SLC16A12: variants seen among roughly 807,000 people sequenced by gnomAD.
SLC16A12 encodes monocarboxylate transporter 12.
Under a neutral mutation model 42.4 loss-of-function variants are expected in SLC16A12, and 17 were observed. The observed-to-expected ratio is 0.40, with a 90% confidence interval of 0.27 to 0.60. The LOEUF is 0.60. Ranked by LOEUF, SLC16A12 falls within the 20% of genes least tolerant of loss-of-function variation. The pLI is 0.42. For synonymous variants in SLC16A12, 224 were observed against 229.4 expected (o/e 0.98, Z 0.21); for missense variants, 544 against 623.0 (o/e 0.87, Z 1.35).
intron 2 of SLC16A12, among the ~76,000 whole-genome samples, chr10:89,554,934 C>T (rs527886191): frequency 2.2e-4 from 33 of 152,194 alleles, no homozygotes; most frequent in African/African-American, 6.3e-4. Flanking sequence ...GTTGAGGCTC[C>T]GCAAGCAGGT....
At chr10:89,441,062 C>G in intron 5 of SLC16A12, 46 bp downstream of exon 5, 1 of 1,610,302 alleles carries the variant, frequency 6.2e-7, no homozygotes, top group South Asian at 1.1e-5. Context: ...TGCTTGGAAA[C>G]CCCTGAATGG....
intron 2 of SLC16A12, among the ~76,000 whole-genome samples, chr10:89,507,615 T>A (rs904702033): frequency 1.3e-5 from 2 of 152,250 alleles, no homozygotes; most frequent in Admixed American, 6.5e-5. Context: ...CATCAGCCAC[T>A]GCAAAAACAT....
At chr10:89,483,103 C>T (rs1431302555) in intron 2 of SLC16A12, among the ~76,000 whole-genome samples, 3 of 150,608 alleles carry the variant, frequency 2.0e-5, no homozygotes, top group Non-Finnish European at 4.4e-5. Context: ...TGAAGATGGC[C>T]ACCTTTTTTT....
chr10:89,457,661 C>A (rs1370240923), intron 3 of SLC16A12, among the ~76,000 whole-genome samples: 1 of 149,442 alleles, frequency 6.7e-6, no homozygotes, highest in Non-Finnish European at 1.5e-5. Context: ...CAACCAGTTA[C>A]ATTTTTTTTT....
intron 1 of SLC16A12, 24 bp from the exon 2 acceptor site, chr10:89,534,664 A>AAAC (rs1843620655): frequency 6.8e-6 from 1 of 147,774 alleles, no homozygotes; most frequent in African/African-American, 2.5e-5. Context: ...AAAAAAAAAA[A>AAAC]AAAAAAATCC....
chr10:89,489,647 G>GATTTTT (rs1339212020), intron 2 of SLC16A12, among the ~76,000 whole-genome samples: 1 of 151,946 alleles, frequency 6.6e-6, no homozygotes, highest in Non-Finnish European at 1.5e-5. Flanking sequence ...AGTCCTTAAA[G>GATTTTT]TAATTTTTTA....
chr10:89,469,324 A>G (rs1842457768), intron 2 of SLC16A12, among the ~76,000 whole-genome samples: 1 of 152,228 alleles, frequency 6.6e-6, no homozygotes, highest in African/African-American at 2.4e-5. Context: ...AAGTTGGGAT[A>G]TATTCTCAAT....
At chr10:89,514,088 G>C (rs1185001964) in intron 2 of SLC16A12, among the ~76,000 whole-genome samples, 2 of 152,164 alleles carry the variant, frequency 1.3e-5, no homozygotes, top group South Asian at 4.1e-4. Flanking sequence ...CCTGCTAAAT[G>C]GCGGATTCAG....
At chr10:89,507,053 C>T (rs1351606401) in intron 2 of SLC16A12, among the ~76,000 whole-genome samples, 1 of 151,776 alleles carries the variant, frequency 6.6e-6, no homozygotes, top group African/African-American at 2.4e-5. Flanking sequence ...AATGAAAAAA[C>T]CCTCCAAGAA....
At chr10:89,500,353 G>T (rs536581435) in intron 2 of SLC16A12, among the ~76,000 whole-genome samples, 1 of 152,086 alleles carries the variant, frequency 6.6e-6, no homozygotes, top group East Asian at 1.9e-4. Flanking sequence ...AAAACTACAG[G>T]CTAATATCCC....
At chr10:89,554,147 A>AAGGAAGGAAGGAAGGAAGGAAG (rs1363375178) in intron 2 of SLC16A12, among the ~76,000 whole-genome samples, 3 of 92,994 alleles carry the variant, frequency 3.2e-5, no homozygotes. Context: ...AAGGAAGGAA[A>AAGGAAGGAAGGAAGGAAGGAAG]GAAAGAAAGA....
Position 89,441,015 on chromosome 10 carries a change from C to A in SLC16A12, c.448+93G>T, listed in dbSNP as rs1841899337. The stretch of plus-strand genomic sequence containing the variant: ...TAGGTCAACTAAATTATGCATCTAA[C>A]AAAATGAATATTTTATGAATTACTT... On this transcript the variant is annotated intron_variant, in intron 5 of 7. Coordinates refer to ENST00000371790, the MANE Select transcript of SLC16A12 (RefSeq NM_213606.4). 23 of 1,519,678 alleles carry A rather than the reference C, an allele frequency of 1.5e-5. 1 individual carries two copies. The highest frequency in any genetic ancestry group is 2.0e-5 in the Non-Finnish European group (22 of 1,098,802). The allele number at this position is 1,519,678 out of a possible 1,614,324, so 94.1% of individuals were successfully genotyped here.
intron 5 of SLC16A12, among the ~76,000 whole-genome samples, chr10:89,440,067 C>T (rs1364281728): frequency 1.1e-5 from 1 of 92,764 alleles, no homozygotes; most frequent in Non-Finnish European, 2.1e-5. Flanking sequence ...CAGATAGACC[C>T]TGTCTCAAAA....
At chr10:89,440,368 G>T (rs1031135383) in intron 5 of SLC16A12, among the ~76,000 whole-genome samples, 1 of 152,152 alleles carries the variant, frequency 6.6e-6, no homozygotes, top group Non-Finnish European at 1.5e-5. Flanking sequence ...GGGTTACTAG[G>T]GGTGGGTGTA....
intron 2 of SLC16A12, among the ~76,000 whole-genome samples, chr10:89,548,448 G>A (rs1272783670): frequency 6.6e-6 from 1 of 152,098 alleles, no homozygotes; most frequent in East Asian, 1.9e-4. Context: ...AAAGAGGTTG[G>A]ATGAAGCCAG....
At chr10:89,436,900 G>T (rs1841804899) in intron 6 of SLC16A12, among the ~76,000 whole-genome samples, 1 of 149,568 alleles carries the variant, frequency 6.7e-6, no homozygotes, top group African/African-American at 2.5e-5. Context: ...AAGAAAGAAA[G>T]AAAGAAAGAA....
chr10:89,452,450 AT>A (rs1239488664), intron 3 of SLC16A12, among the ~76,000 whole-genome samples: 5 of 152,128 alleles, frequency 3.3e-5, no homozygotes, highest in Non-Finnish European at 7.4e-5. Flanking sequence ...TCACACTCTC[AT>A]TTTCTTTACT....
At chr10:89,482,453 C>A (rs947245765) in intron 2 of SLC16A12, among the ~76,000 whole-genome samples, 1 of 152,014 alleles carries the variant, frequency 6.6e-6, no homozygotes, top group Non-Finnish European at 1.5e-5. Flanking sequence ...GTATCATGGT[C>A]AATGTATAAC....
At position 89,498,536 on chromosome 10, in the gene SLC16A12, G is replaced by A. The variant is rs1842954341; in HGVS notation, c.-46-35912C>T. On this transcript the variant is annotated intron_variant, in intron 2 of 7. Transcript: ENST00000371790. ...TATGTAAAATATTTACAAAACACCT[G>A]GAATATTATATTTTAAAATGTTAAG... Among the ~76,000 whole-genome samples, 3 of 152,000 alleles carry A rather than the reference G, an allele frequency of 2.0e-5. No homozygotes were observed. In the South Asian group the frequency reaches 6.2e-4, roughly 32 times the overall value.
Sources: allele counts gnomAD v4.1 joint callset (sites outside exome capture counted in the v4.1 genomes callset), GRCh38; gene constraint gnomAD v4.1.1; transcripts MANE v1.5; gene names NCBI Gene and HGNC (gene_info 2026-07-23, HGNC 2026-07-21).